Variants in PRKCA observed in about 807,000 individuals in gnomAD.
PRKCA encodes the protein protein kinase C alpha type.
Under a neutral mutation model 87.0 loss-of-function variants are expected in PRKCA, and 27 were observed. That is an observed-to-expected ratio of 0.31 (90% CI 0.23 to 0.43). The LOEUF is 0.43. PRKCA is among the 20% of genes least tolerant of loss of function. The pLI, the probability that PRKCA is intolerant of heterozygous loss-of-function variation, is 1.00. For synonymous variants in PRKCA, 329 were observed against 311.1 expected (o/e 1.06, Z -0.61); for missense variants, 518 against 852.3 (o/e 0.61, Z 4.88).
At chr17:66,716,100 C>A (rs1017213132) in intron 8 of PRKCA, among the ~76,000 whole-genome samples, 1 of 151,776 alleles carries the variant, frequency 6.6e-6, no homozygotes, top group Non-Finnish European at 1.5e-5. Context: ...TGGATGGCTC[C>A]TTCAGTCTAT....
chr17:66,773,870 CT>C, intron 13 of PRKCA, 116 bp from the exon 14 acceptor site: 1 of 1,505,062 alleles, frequency 6.6e-7, no homozygotes, highest in African/African-American at 1.4e-5. Context: ...AAAGACAGAT[CT>C]TAGCACCTCA....
In PRKCA at chr17:66,810,589, T is replaced by C. The variant is rs781570640; in HGVS notation, c.*6552T>C. The C allele has an allele frequency of 7.2e-5, 11 of 152,226 alleles. No homozygotes were observed. Among genetic ancestry groups the C allele is most frequent in the Non-Finnish European group, 1.6e-4 (11 of 68,042 alleles). The allele number at this position is 152,226 out of a possible 1,614,324, so 9.4% of individuals were successfully genotyped here. On this transcript the variant is annotated 3_prime_UTR_variant, in exon 17 of 17. Coordinates refer to ENST00000413366, the MANE Select transcript of PRKCA (RefSeq NM_002737.3). ...GGCCATTCAACCGTCAAACACCATT[T>C]GGTTATATCGCAGAGGAGACGGATG...
intron 14 of PRKCA, among the ~76,000 whole-genome samples, chr17:66,781,111 A>G (rs1281758766): frequency 4.6e-5 from 7 of 152,148 alleles, no homozygotes; most frequent in Non-Finnish European, 1.0e-4. Context: ...AAAAATAAAA[A>G]ATATAAAAAT....
chr17:66,589,338 A>C (rs1969723281), intron 3 of PRKCA, among the ~76,000 whole-genome samples: 1 of 152,286 alleles, frequency 6.6e-6, no homozygotes, highest in Middle Eastern at 3.4e-3. Context: ...ATATAACTAA[A>C]GTGATCATAA....
chr17:66,715,330 T>A (rs142691733), intron 8 of PRKCA, among the ~76,000 whole-genome samples: 121 of 152,312 alleles, frequency 7.9e-4, no homozygotes, highest in Middle Eastern at 3.4e-3. Flanking sequence ...TTAGCTTCAA[T>A]TGGATTTTCC....
Position 66,799,304 on chromosome 17 carries a change from ATGGTGG to A in PRKCA, c.1855-4560_1855-4555del, listed in dbSNP as rs1975808595. ...GGTGATGGTGGTGGTGGTGGTGGTG[ATGGTGG>A]TGGTGGTGATGGTGGTGGTGGTGAT... is the stretch of plus-strand genomic sequence containing the variant. On this transcript the variant is annotated intron_variant, in intron 16 of 16. Transcript: ENST00000413366. Among the ~76,000 whole-genome samples, 4 of 944 alleles carry A rather than the reference ATGGTGG, an allele frequency of 4.2e-3. No homozygotes were observed. In the African/African-American group the frequency reaches 0.044, roughly 10 times the overall value. 0.6% of individuals were successfully genotyped at this position (944 alleles called of 152,430 possible). A position where few individuals can be genotyped will look rare whatever the true frequency, so the allele number is the denominator to read the frequency against.
chr17:66,538,757 A>G (rs1323216919), intron 3 of PRKCA, among the ~76,000 whole-genome samples: 1 of 152,082 alleles, frequency 6.6e-6, no homozygotes, highest in East Asian at 1.9e-4. Flanking sequence ...TTTGAGGATA[A>G]CCTTCATAGG....
intron 2 of PRKCA, among the ~76,000 whole-genome samples, chr17:66,446,065 C>T (rs228886): frequency 0.2 from 30,706 of 152,054 alleles, 3,779 homozygotes; most frequent in Non-Finnish European, 0.28. Context: ...CCGTGCACCT[C>T]GGCCTCCCTA....
intron 8 of PRKCA, among the ~76,000 whole-genome samples, chr17:66,716,027 A>G (rs1973464619): frequency 6.6e-6 from 1 of 152,132 alleles, no homozygotes; most frequent in Admixed American, 6.5e-5. Context: ...TGTGCTCCCC[A>G]TTGCTTCTTG....
At chr17:66,341,302 T>G (rs1478619402) in intron 2 of PRKCA, among the ~76,000 whole-genome samples, 2 of 152,192 alleles carry the variant, frequency 1.3e-5, no homozygotes, top group African/African-American at 2.4e-5. Context: ...CAAAATCAGT[T>G]TCATTCCATC....
chr17:66,553,609 A>G (rs1292685053), intron 3 of PRKCA, among the ~76,000 whole-genome samples: 3 of 152,158 alleles, frequency 2.0e-5, no homozygotes, highest in Non-Finnish European at 4.4e-5. Flanking sequence ...TAGCTTCCTC[A>G]TTGCTGTTTT....
At chr17:66,452,325 C>G (rs1372422989) in intron 2 of PRKCA, among the ~76,000 whole-genome samples, 1 of 152,166 alleles carries the variant, frequency 6.6e-6, no homozygotes, top group Non-Finnish European at 1.5e-5. Flanking sequence ...CCCCAGAATC[C>G]AGGTGCAGCA....
At chr17:66,512,837 C>T (rs987048803) in intron 3 of PRKCA, among the ~76,000 whole-genome samples, 1 of 152,052 alleles carries the variant, frequency 6.6e-6, no homozygotes, top group Non-Finnish European at 1.5e-5. Flanking sequence ...GGATTATAGG[C>T]GTGCACCACC....
At chr17:66,798,410 G>GTGGTGGTGGTGGTGC (rs1975729144) in intron 16 of PRKCA, among the ~76,000 whole-genome samples, 1 of 121,628 alleles carries the variant, frequency 8.2e-6, no homozygotes, top group African/African-American at 3.2e-5. Context: ...GGTGGTGATG[G>GTGGTGGTGGTGGTGC]TGATGGTGGT....
chr17:66,542,504 C>A (rs1190202413), intron 3 of PRKCA, among the ~76,000 whole-genome samples: 4 of 151,996 alleles, frequency 2.6e-5, no homozygotes, highest in Admixed American at 2.6e-4. Flanking sequence ...GGAAATAGAG[C>A]AGTTATGAAG....
chr17:66,446,655 G>A (rs1914053900), intron 2 of PRKCA, among the ~76,000 whole-genome samples: 1 of 152,104 alleles, frequency 6.6e-6, no homozygotes, highest in African/African-American at 2.4e-5. Context: ...GTGATGAGAG[G>A]GGCCTGCACA....
intron 2 of PRKCA, among the ~76,000 whole-genome samples, chr17:66,308,952 A>G (rs1434728216): frequency 6.6e-6 from 1 of 151,968 alleles, no homozygotes; most frequent in Non-Finnish European, 1.5e-5. Context: ...ACTCATTCTC[A>G]TTCATACCTT....
chr17:66,346,199 C>T (rs1598606286), intron 2 of PRKCA, among the ~76,000 whole-genome samples: 1 of 151,106 alleles, frequency 6.6e-6, no homozygotes, highest in African/African-American at 2.4e-5. Flanking sequence ...TGGGTTCAGG[C>T]GATTCTCCTG....
At chr17:66,555,970 T>C (rs1373859414) in intron 3 of PRKCA, among the ~76,000 whole-genome samples, 4 of 152,174 alleles carry the variant, frequency 2.6e-5, no homozygotes, top group Admixed American at 2.0e-4. Flanking sequence ...TTTTGTCAAA[T>C]GCATTTTCCT....
Sources: allele counts gnomAD v4.1 joint callset (sites outside exome capture counted in the v4.1 genomes callset), GRCh38; gene constraint gnomAD v4.1.1; transcripts MANE v1.5; gene names NCBI Gene and HGNC (gene_info 2026-07-23, HGNC 2026-07-21).